Variants in USH2A observed in about 807,000 individuals in gnomAD.
USH2A encodes the protein Usher syndrome 2A (autosomal recessive, mild).
Under a neutral mutation model 538.9 loss-of-function variants are expected in USH2A, and 443 were observed. The ratio of observed to expected loss-of-function variants is 0.82; its 90% CI spans 0.76 to 0.89. The LOEUF (loss-of-function observed/expected upper bound fraction) is 0.89. Among genes scored for constraint, USH2A ranks in the 40% least tolerant of loss-of-function variants. The pLI is 0.00. For missense variants in USH2A, 6,633 were observed against 6,324.8 expected (o/e 1.05, Z -1.65); for synonymous variants, 2,413 against 2,273.5 (o/e 1.06, Z -1.75).
intron 15 of USH2A, among the ~76,000 whole-genome samples, chr1:216,211,343 C>T (rs1018507554): frequency 5.9e-5 from 9 of 152,094 alleles, no homozygotes; most frequent in Non-Finnish European, 1.2e-4. Context: ...GGGACTGACC[C>T]CTCACCCGTG....
chr1:216,203,487 A>G (rs1046666391), intron 16 of USH2A, among the ~76,000 whole-genome samples: 1 of 152,106 alleles, frequency 6.6e-6, no homozygotes, highest in Non-Finnish European at 1.5e-5. Context: ...AACATTGTTG[A>G]CCATGAGTAA....
chr1:215,950,022 A>C (rs1007334959), intron 37 of USH2A, among the ~76,000 whole-genome samples: 3 of 152,198 alleles, frequency 2.0e-5, no homozygotes, highest in Non-Finnish European at 4.4e-5. Context: ...TATCAAATGC[A>C]TATAACTACA....
intron 40 of USH2A, among the ~76,000 whole-genome samples, chr1:215,895,628 G>A (rs1313006046): frequency 1.3e-5 from 2 of 152,232 alleles, no homozygotes; most frequent in East Asian, 1.9e-4. Flanking sequence ...AGTAAAGCAG[G>A]ACCCAGGCAG....
intron 29 of USH2A, 157 bp downstream of exon 29, chr1:216,072,732 T>G: frequency 1.4e-6 from 1 of 715,844 alleles, no homozygotes; most frequent in South Asian, 1.5e-5. Flanking sequence ...TACTAAGCAT[T>G]TTAGCCATTG....
rs367669523 is a variant in USH2A at position 216,418,683 on chromosome 1, A to G, written c.486-4T>C. The G allele has an allele frequency of 6.2e-7, 1 of 1,612,946 alleles. No individual in the cohort carries two copies. The highest frequency in any genetic ancestry group is 1.7e-4 in the Middle Eastern group (1 of 6,050). On this transcript the variant is annotated splice_region_variant and splice_polypyrimidine_tract_variant and intron_variant, in intron 2 of 71. Coordinates refer to ENST00000307340, the MANE Select transcript of USH2A (RefSeq NM_206933.4). The stretch of plus-strand genomic sequence containing the variant: ...TACTGTCTTTTCTATAACACACCTT[A>G]GGAAGCAACCGGAAAAGAGAGAAAA...
chr1:216,217,393 T>C lies in USH2A; in HGVS notation c.3151A>G (p.Ser1051Gly). The C allele has an allele frequency of 1.2e-6, 2 of 1,612,984 alleles. No homozygotes were observed. The highest frequency in any genetic ancestry group is 1.7e-6 in the Non-Finnish European group (2 of 1,179,242). The change falls in exon 15 of 72, where the codon AGC (serine) becomes GGC (glycine). Residue 1051 changes from serine to glycine, a missense_variant. Physicochemically the swap from Ser to Gly is moderately conservative, Grantham distance 56. Transcript: ENST00000307340. ...TGAACCAGAGTTCACTTACTTTTGC[T>C]GCAACCCAATAGATTGTTGACATCC... is the stretch of plus-strand genomic sequence containing the variant. ...HLDVNNLLGC[S>G]KTPFQQPPPR... is the part of the protein sequence containing the mutation.
chr1:215,735,312 C>T (rs768458451), intron 60 of USH2A, among the ~76,000 whole-genome samples: 6 of 152,178 alleles, frequency 3.9e-5, no homozygotes, highest in Non-Finnish European at 7.4e-5. Flanking sequence ...TCCATGATAT[C>T]TTAGAGTTCT....
At position 216,286,513 on chromosome 1, in the gene USH2A, C is replaced by T. The variant is rs578158232; in HGVS notation, c.1971+2767G>A. Among the ~76,000 whole-genome samples, 30 of 151,998 alleles carry T rather than the reference C, an allele frequency of 2.0e-4. No homozygotes were observed. The South Asian group carries it at 6.0e-3, about 31-fold the overall frequency. ...GGAGGCTGAGGTGGGTGGGATTTGACACCAGTCTAGCCAACATGGTGAAAC... is the reference window on the plus strand; with the variant it reads ...GGAGGCTGAGGTGGGTGGGATTTGATACCAGTCTAGCCAACATGGTGAAAC... On this transcript the variant is annotated intron_variant, in intron 11 of 71. Coordinates refer to ENST00000307340, the MANE Select transcript of USH2A (RefSeq NM_206933.4).
chr1:216,167,450 G>A (rs763338370), intron 21 of USH2A, among the ~76,000 whole-genome samples: 4 of 152,044 alleles, frequency 2.6e-5, no homozygotes, highest in Admixed American at 1.3e-4. Context: ...AAATGTTGGC[G>A]CTTAACCGGT....
intron 3 of USH2A, among the ~76,000 whole-genome samples, chr1:216,413,088 A>C (rs747881353): frequency 1.3e-5 from 2 of 152,086 alleles, no homozygotes; most frequent in South Asian, 2.1e-4. Context: ...TATTTTGAAT[A>C]ACCCAAAACT....
At chr1:215,984,756 T>C (rs952243768) in intron 35 of USH2A, among the ~76,000 whole-genome samples, 3 of 152,202 alleles carry the variant, frequency 2.0e-5, no homozygotes, top group Non-Finnish European at 4.4e-5. Flanking sequence ...AAAAATAACA[T>C]GTGTAGTGAA....
At position 216,247,413 on chromosome 1, in the gene USH2A, A is replaced by G. The variant is rs75295533; in HGVS notation, c.2168-187T>C. On this transcript the variant is annotated intron_variant, in intron 12 of 71. Transcript: ENST00000307340. ...ACAATATTTAATTTAGCTTTAATAT[A>G]CAACTGTTTGCGATGAACTTCATAA... Among the ~76,000 whole-genome samples the G allele has an allele frequency of 2.8e-3, 419 of 152,314 alleles. 3 individuals carry two copies. The highest frequency in any genetic ancestry group is 9.8e-3 in the African/African-American group (408 of 41,570).
intron 3 of USH2A, among the ~76,000 whole-genome samples, chr1:216,385,575 T>C (rs2038990527): frequency 6.6e-6 from 1 of 152,122 alleles, no homozygotes; most frequent in African/African-American, 2.4e-5. Context: ...AATTTTGGGG[T>C]GAAGGTCACT....
chr1:215,717,659 G>A (rs1323131180), intron 61 of USH2A, among the ~76,000 whole-genome samples: 1 of 152,148 alleles, frequency 6.6e-6, no homozygotes, highest in African/African-American at 2.4e-5. Flanking sequence ...AGAGAAATAT[G>A]GTGAAAAACT....
chr1:215,969,376 C>A (rs1187571082), intron 36 of USH2A, among the ~76,000 whole-genome samples: 1 of 152,102 alleles, frequency 6.6e-6, no homozygotes, highest in East Asian at 1.9e-4. Flanking sequence ...GTTAACGTAG[C>A]TACTGTCTGT....
intron 38 of USH2A, among the ~76,000 whole-genome samples, chr1:215,902,050 A>G (rs576109187): frequency 2.6e-4 from 40 of 152,276 alleles, no homozygotes; most frequent in African/African-American, 9.4e-4. Context: ...ATTACATTGG[A>G]CTGACCTGAA....
chr1:216,011,674 G>A (rs1374802729), intron 32 of USH2A, among the ~76,000 whole-genome samples: 1 of 151,914 alleles, frequency 6.6e-6, no homozygotes, highest in Non-Finnish European at 1.5e-5. Flanking sequence ...TACTTTAGAG[G>A]CCCTCAAAAT....
intron 37 of USH2A, among the ~76,000 whole-genome samples, chr1:215,946,261 T>C (rs1666754875): frequency 1.3e-5 from 2 of 152,178 alleles, no homozygotes; most frequent in African/African-American, 2.4e-5. Flanking sequence ...CAAAACATGG[T>C]GGTACAACAT....
chr1:215,968,093 C>A (rs1667399722), intron 36 of USH2A, among the ~76,000 whole-genome samples: 1 of 152,128 alleles, frequency 6.6e-6, no homozygotes, highest in South Asian at 2.1e-4. Context: ...CCCTCTAATA[C>A]AATTGAAAGC....
Sources: allele counts gnomAD v4.1 joint callset (sites outside exome capture counted in the v4.1 genomes callset), GRCh38; gene constraint gnomAD v4.1.1; transcripts MANE v1.5; gene names NCBI Gene and HGNC (gene_info 2026-07-23, HGNC 2026-07-21).